TMEM132D: variants seen among roughly 807,000 people sequenced by gnomAD.
TMEM132D encodes the protein transmembrane protein 132D.
In TMEM132D, 21 loss-of-function variants were observed where a neutral mutation model predicts 62.3. That is an observed-to-expected ratio of 0.34 (90% CI 0.24 to 0.49). The LOEUF (loss-of-function observed/expected upper bound fraction) is 0.49. Ranked by LOEUF, TMEM132D falls within the 20% of genes least tolerant of loss-of-function variation. TMEM132D has a pLI of 0.99. For missense variants in TMEM132D, 1,346 were observed against 1,402.8 expected (o/e 0.96, Z 0.65); for synonymous variants, 621 against 575.6 (o/e 1.08, Z -1.13).
chr12:129,849,418 G>C lies in TMEM132D; in HGVS notation c.79+53843C>G, dbSNP rs373345900. 1.4e-4 allele frequency among the ~76,000 whole-genome samples: 21 copies of C among 152,234 alleles called. No homozygotes were observed. In the South Asian group the frequency reaches 2.1e-3, roughly 15 times the overall value. Reference sequence around the variant, plus strand: ...TAGTTTGAGTCATCAATCCAAAACTGAAAATAAAAGCCTTGAGATGCAGTT... The same window carrying C: ...TAGTTTGAGTCATCAATCCAAAACTCAAAATAAAAGCCTTGAGATGCAGTT... On this transcript the variant is annotated intron_variant, in intron 1 of 8. Coordinates refer to ENST00000422113, the MANE Select transcript of TMEM132D (RefSeq NM_133448.3).
At chr12:129,412,387 T>C (rs1871991645) in intron 3 of TMEM132D, among the ~76,000 whole-genome samples, 1 of 152,222 alleles carries the variant, frequency 6.6e-6, no homozygotes. Flanking sequence ...GAACCTAGCC[T>C]TAAGAAAAGC....
intron 3 of TMEM132D, among the ~76,000 whole-genome samples, chr12:129,506,803 G>A (rs933469730): frequency 1.3e-5 from 2 of 152,098 alleles, no homozygotes; most frequent in African/African-American, 4.8e-5. Flanking sequence ...GCTTAGGCAA[G>A]GATTTCATGA....
Position 129,551,234 on chromosome 12 carries a change from C to T in TMEM132D, c.969-20029G>A, listed in dbSNP as rs142376223. Among the ~76,000 whole-genome samples the T allele has an allele frequency of 9.1e-4, 139 of 152,328 alleles. 1 individual carries two copies. The highest frequency in any genetic ancestry group is 2.8e-3 in the African/African-American group (115 of 41,560). ...TTTGTCCTTCCAAGTTCCTGACCCA[C>T]GGAATCCAGGAGCATAAGAAAATGG... is the stretch of plus-strand genomic sequence containing the variant. On this transcript the variant is annotated intron_variant, in intron 2 of 8. Coordinates refer to ENST00000422113, the MANE Select transcript of TMEM132D (RefSeq NM_133448.3).
intron 4 of TMEM132D, among the ~76,000 whole-genome samples, chr12:129,313,694 A>G (rs1462896711): frequency 6.6e-6 from 1 of 152,130 alleles, no homozygotes; most frequent in Non-Finnish European, 1.5e-5. Context: ...TCTTTTTCGA[A>G]TAATGACTTC....
chr12:129,198,495 T>C (rs1878606812), intron 5 of TMEM132D, among the ~76,000 whole-genome samples: 1 of 152,150 alleles, frequency 6.6e-6, no homozygotes, highest in Non-Finnish European at 1.5e-5. Context: ...AAAAAAACAT[T>C]GTATCATTTT....
In TMEM132D at chr12:129,418,231, A is replaced by G. The variant is rs142799882; in HGVS notation, c.1116-80414T>C. On this transcript the variant is annotated intron_variant, in intron 3 of 8. Transcript: ENST00000422113. ...ACTGGGTATACACCCAAAGGATGAT[A>G]AATCATTCTACTATAAAGACACATA... Among the ~76,000 whole-genome samples, 17 of 152,352 alleles carry G rather than the reference A, an allele frequency of 1.1e-4. No homozygotes were observed. The East Asian group carries it at 2.7e-3, about 24-fold the overall frequency.
intron 1 of TMEM132D, among the ~76,000 whole-genome samples, chr12:129,701,139 C>A (rs1881376218): frequency 6.6e-6 from 1 of 152,192 alleles, no homozygotes; most frequent in Non-Finnish European, 1.5e-5. Flanking sequence ...ACAGGAATGA[C>A]TTCCTCAACA....
chr12:129,585,492 C>T (rs967802472), intron 2 of TMEM132D, among the ~76,000 whole-genome samples: 1 of 152,192 alleles, frequency 6.6e-6, no homozygotes, highest in Non-Finnish European at 1.5e-5. Flanking sequence ...GTGGGCCGCG[C>T]GTTCCATGCG....
chr12:129,416,972 GA>G (rs1264403926), intron 3 of TMEM132D, among the ~76,000 whole-genome samples: 1 of 152,150 alleles, frequency 6.6e-6, no homozygotes, highest in African/African-American at 2.4e-5. Flanking sequence ...TTTTCACATT[GA>G]TGATTATCAG....
At chr12:129,859,143 GAGA>G (rs1393955698) in intron 1 of TMEM132D, among the ~76,000 whole-genome samples, 2 of 152,200 alleles carry the variant, frequency 1.3e-5, no homozygotes, top group Non-Finnish European at 2.9e-5. Flanking sequence ...AGGACACGGT[GAGA>G]AGGTGCCATC....
chr12:129,396,234 G>A (rs1055182363), intron 3 of TMEM132D, among the ~76,000 whole-genome samples: 1 of 152,038 alleles, frequency 6.6e-6, no homozygotes, highest in African/African-American at 2.4e-5. Context: ...ACTGGCAGAA[G>A]TGCCCAATGG....
intron 2 of TMEM132D, among the ~76,000 whole-genome samples, chr12:129,598,539 T>C (rs1391669304): frequency 6.6e-6 from 1 of 152,118 alleles, no homozygotes; most frequent in East Asian, 1.9e-4. Flanking sequence ...CCGGCAATAG[T>C]GGCAGAAAAT....
chr12:129,441,404 G>A (rs1334771703), intron 3 of TMEM132D, among the ~76,000 whole-genome samples: 6 of 152,146 alleles, frequency 3.9e-5, no homozygotes, highest in South Asian at 2.1e-4. Flanking sequence ...TGTGAATGGC[G>A]CATCTCTAGT....
chr12:129,890,359 A>G (rs1874882381), intron 1 of TMEM132D, among the ~76,000 whole-genome samples: 1 of 152,170 alleles, frequency 6.6e-6, no homozygotes, highest in Non-Finnish European at 1.5e-5. Flanking sequence ...GCCCTACACC[A>G]TAGGTGCTGA....
rs143311883 is a variant in TMEM132D at position 129,619,894 on chromosome 12, G to A, written c.968+79916C>T. Among the ~76,000 whole-genome samples, 115 of 152,308 alleles carry A rather than the reference G, an allele frequency of 7.6e-4. No individual in the cohort carries two copies. The East Asian group carries it at 0.018, about 24-fold the overall frequency. On this transcript the variant is annotated intron_variant, in intron 2 of 8. Transcript: ENST00000422113. Reference sequence around the variant, plus strand: ...AGTGTATTATCCTAACAGAACAGGAGCATTCAGGATATGAAAACCAGAGCT... The same window carrying A: ...AGTGTATTATCCTAACAGAACAGGAACATTCAGGATATGAAAACCAGAGCT...
intron 1 of TMEM132D, among the ~76,000 whole-genome samples, chr12:129,768,406 T>G (rs1188589449): frequency 6.6e-6 from 1 of 152,038 alleles, no homozygotes; most frequent in Admixed American, 6.6e-5. Context: ...GGGTGTAAGG[T>G]GACAGTTATC....
chr12:129,509,637 C>A (rs988105755), intron 3 of TMEM132D, among the ~76,000 whole-genome samples: 5 of 152,112 alleles, frequency 3.3e-5, no homozygotes, highest in Non-Finnish European at 5.9e-5. Flanking sequence ...CTACCTTTCC[C>A]AGCCTCTGGT....
intron 5 of TMEM132D, among the ~76,000 whole-genome samples, chr12:129,202,539 AAG>A (rs1410191438): frequency 6.6e-6 from 1 of 152,226 alleles, no homozygotes; most frequent in African/African-American, 2.4e-5. Context: ...CTCAGAAACA[AAG>A]AGAGGAAAAA....
intron 2 of TMEM132D, among the ~76,000 whole-genome samples, chr12:129,557,816 T>C (rs949512776): frequency 1.1e-4 from 16 of 152,182 alleles, no homozygotes; most frequent in Admixed American, 2.0e-4. Context: ...TTATACAACA[T>C]ACGCATATAT....
Sources: gnomAD v4.1 joint callset for allele counts (sites outside exome capture counted in the v4.1 genomes callset) on GRCh38, gnomAD v4.1.1 for gene constraint, MANE v1.5 for transcripts, NCBI Gene and HGNC (gene_info 2026-07-23, HGNC 2026-07-21) for gene names.